COL22A1: variants seen among roughly 807,000 people sequenced by gnomAD.
COL22A1 encodes the protein collagen alpha-1(XXII) chain.
In COL22A1, 221 loss-of-function variants were observed where a neutral mutation model predicts 248.9. That is an observed-to-expected ratio of 0.89 (90% CI 0.80 to 0.99). The LOEUF (loss-of-function observed/expected upper bound fraction) is 0.99, where lower values mean the gene tolerates loss of function less well. Among genes scored for constraint, COL22A1 ranks in the 50% least tolerant of loss-of-function variants. The pLI is 0.00. For missense variants in COL22A1, 2,240 were observed against 2,179.0 expected (o/e 1.03, Z -0.56); for synonymous variants, 891 against 793.4 (o/e 1.12, Z -2.07).
At chr8:138,775,757 T>C (rs963851759) in intron 16 of COL22A1, among the ~76,000 whole-genome samples, 3 of 152,094 alleles carry the variant, frequency 2.0e-5, no homozygotes, top group Admixed American at 6.5e-5. Context: ...ACAACTTACA[T>C]TTAGGGTGGG....
intron 52 of COL22A1, 34 bp from the exon 53 acceptor site, chr8:138,619,542 C>T: frequency 6.3e-7 from 1 of 1,596,820 alleles, no homozygotes; most frequent in Non-Finnish European, 8.6e-7. Flanking sequence ...AGTTTGAGGA[C>T]AACATTGTAA....
chr8:138,673,932 C>T (rs117479539), intron 41 of COL22A1, among the ~76,000 whole-genome samples: 5 of 152,286 alleles, frequency 3.3e-5, no homozygotes, highest in Non-Finnish European at 5.9e-5. Flanking sequence ...AACTCCCCAG[C>T]TCTTTCTCTC....
At chr8:138,664,315 G>C (rs73449681) in intron 41 of COL22A1, among the ~76,000 whole-genome samples, 124 of 150,508 alleles carry the variant, frequency 8.2e-4, no homozygotes, top group Admixed American at 2.4e-3. Context: ...TCTTTGCCAA[G>C]ACAAAATTTG....
chr8:138,628,021 C>T (rs1401825304), intron 50 of COL22A1, among the ~76,000 whole-genome samples: 1 of 152,078 alleles, frequency 6.6e-6, no homozygotes, highest in Admixed American at 6.6e-5. Context: ...AAAAAAAATC[C>T]TAACAATCTA....
intron 50 of COL22A1, among the ~76,000 whole-genome samples, chr8:138,630,133 G>C (rs942071951): frequency 6.6e-6 from 1 of 152,182 alleles, no homozygotes; most frequent in Non-Finnish European, 1.5e-5. Context: ...TTGAAACCAA[G>C]AGTGGTTCTG....
At chr8:138,800,667 T>C (rs1816924352) in intron 11 of COL22A1, among the ~76,000 whole-genome samples, 1 of 152,180 alleles carries the variant, frequency 6.6e-6, no homozygotes, top group Non-Finnish European at 1.5e-5. Context: ...AGGCAGGCAA[T>C]AATGATCATA....
intron 47 of COL22A1, among the ~76,000 whole-genome samples, chr8:138,642,752 C>T (rs561224928): frequency 1.7e-4 from 26 of 152,220 alleles, no homozygotes; most frequent in South Asian, 6.2e-4. Flanking sequence ...CAATTCTAGC[C>T]GGGTGCGGTG....
intron 10 of COL22A1, among the ~76,000 whole-genome samples, chr8:138,806,030 T>TGTAGGTAATGG (rs1485344726): frequency 1.8e-4 from 1 of 5,672 alleles, no homozygotes; most frequent in Non-Finnish European, 3.0e-4. Context: ...TGGTGTGTGG[T>TGTAGGTAATGG]TGTGTGTGTG....
At chr8:138,840,361 T>C (rs73366899) in intron 4 of COL22A1, among the ~76,000 whole-genome samples, 117 of 152,150 alleles carry the variant, frequency 7.7e-4, no homozygotes, top group African/African-American at 2.7e-3. Context: ...TGATTTCTTT[T>C]CCAGGGAGAC....
At chr8:138,635,866 G>T (rs1821108656) in intron 48 of COL22A1, among the ~76,000 whole-genome samples, 1 of 152,196 alleles carries the variant, frequency 6.6e-6, no homozygotes, top group Admixed American at 6.5e-5. Flanking sequence ...CAGACTTTGA[G>T]CACTGCTCTC....
In COL22A1 at chr8:138,858,360, C is replaced by CTTTGT. The variant is rs759263563; in HGVS notation, c.659-14207_659-14203dup. 1.6e-3 allele frequency among the ~76,000 whole-genome samples: 241 copies of CTTTGT among 152,068 alleles called. 1 individual carries two copies. Among genetic ancestry groups the CTTTGT allele is most frequent in the African/African-American group, 5.0e-3 (206 of 41,492 alleles). On this transcript the variant is annotated intron_variant, in intron 3 of 64. Coordinates refer to ENST00000303045, the MANE Select transcript of COL22A1 (RefSeq NM_152888.3). The stretch of plus-strand genomic sequence containing the variant: ...GAATTTTTTTTCTTTTTTTCTTTTT[C>CTTTGT]TTTGTTTTGTTTTGTTTTGTTTTGA...
chr8:138,899,131 TCC>T (rs1262474700), intron 1 of COL22A1, among the ~76,000 whole-genome samples: 1 of 152,108 alleles, frequency 6.6e-6, no homozygotes, highest in Non-Finnish European at 1.5e-5. Context: ...TTCTTCCTCT[TCC>T]CCCTCTTTAT....
intron 32 of COL22A1, among the ~76,000 whole-genome samples, chr8:138,696,384 G>A (rs200116517): frequency 1.3e-5 from 2 of 152,206 alleles, no homozygotes; most frequent in East Asian, 3.9e-4. Flanking sequence ...GCTTTAGAGA[G>A]CAGGAGATGA....
chr8:138,680,032 A>G (rs1486719528), intron 39 of COL22A1, among the ~76,000 whole-genome samples: 1 of 152,238 alleles, frequency 6.6e-6, no homozygotes, highest in African/African-American at 2.4e-5. Flanking sequence ...GTCCACTGTG[A>G]TGCTAACAAA....
At chr8:138,840,417 G>C (rs1306170141) in intron 4 of COL22A1, among the ~76,000 whole-genome samples, 1 of 152,066 alleles carries the variant, frequency 6.6e-6, no homozygotes, top group African/African-American at 2.4e-5. Flanking sequence ...GCTGTGGACT[G>C]ACACAGGAGG....
intron 22 of COL22A1, among the ~76,000 whole-genome samples, chr8:138,748,554 GC>G (rs1468709937): frequency 1.3e-5 from 2 of 152,220 alleles, no homozygotes; most frequent in East Asian, 3.9e-4. Flanking sequence ...GGATGGCAGA[GC>G]TGTTATGGGA....
intron 5 of COL22A1, among the ~76,000 whole-genome samples, chr8:138,829,379 TTTTC>T (rs1218003914): frequency 1.9e-4 from 29 of 151,368 alleles, no homozygotes; most frequent in African/African-American, 6.8e-4. Flanking sequence ...TTTCTCCTTC[TTTTC>T]TTTATTTCCT....
intron 5 of COL22A1, among the ~76,000 whole-genome samples, chr8:138,832,675 G>A (rs1281451786): frequency 3.9e-5 from 6 of 152,150 alleles, no homozygotes; most frequent in Non-Finnish European, 5.9e-5. Flanking sequence ...GTGAAGCCAC[G>A]CCTGCCATGA....
At chr8:138,779,007 A>G (rs556505827) in intron 14 of COL22A1, among the ~76,000 whole-genome samples, 3 of 152,344 alleles carry the variant, frequency 2.0e-5, no homozygotes, top group South Asian at 2.1e-4. Context: ...CCAATTTTTA[A>G]TCTATCCTAC....
Sources: allele counts gnomAD v4.1 joint callset (sites outside exome capture counted in the v4.1 genomes callset), GRCh38; gene constraint gnomAD v4.1.1; transcripts MANE v1.5; gene names NCBI Gene and HGNC (gene_info 2026-07-23, HGNC 2026-07-21).